Variants in USP34 observed in about 807,000 individuals in gnomAD.
USP34 encodes the protein ubiquitin carboxyl-terminal hydrolase 34.
Under a neutral mutation model 460.3 loss-of-function variants are expected in USP34, and 70 were observed. The ratio of observed to expected loss-of-function variants is 0.15; its 90% CI spans 0.13 to 0.19. The LOEUF (loss-of-function observed/expected upper bound fraction) is 0.19. Ranked by LOEUF, USP34 falls within the 10% of genes least tolerant of loss-of-function variation. The pLI, the probability that USP34 is intolerant of heterozygous loss-of-function variation, is 1.00. For missense variants in USP34, 3,985 were observed against 4,236.2 expected, an observed-to-expected ratio of 0.94 and a Z score of 1.65; for synonymous variants, 1,647 against 1,405.3, an observed-to-expected ratio of 1.17 and a Z score of -3.85.
At chr2:61,235,775 T>C in intron 57 of USP34, 70 bp downstream of exon 57, 7 of 1,487,000 alleles carry the variant, frequency 4.7e-6, no homozygotes, top group Non-Finnish European at 4.6e-6. Flanking sequence ...TGCTGTAGCA[T>C]CTTAGATCAG....
intron 76 of USP34, among the ~76,000 whole-genome samples, chr2:61,192,199 T>TG (rs1450454024): frequency 6.6e-6 from 1 of 152,182 alleles, no homozygotes; most frequent in Non-Finnish European, 1.5e-5. Flanking sequence ...TCTCTTCCAA[T>TG]GGGGTAGAGC....
intron 12 of USP34, among the ~76,000 whole-genome samples, chr2:61,349,551 T>C (rs1691880669): frequency 6.6e-6 from 1 of 151,988 alleles, no homozygotes; most frequent in Admixed American, 6.6e-5. Context: ...TTAAAAAAAA[T>C]ACCCACTGGC....
At chr2:61,190,716 G>GGAAAAAACTTACACA (rs1431385762) in intron 76 of USP34, 58 bp from the exon 77 acceptor site, 4 of 1,545,542 alleles carry the variant, frequency 2.6e-6, no homozygotes, top group East Asian at 2.4e-5. Context: ...AAACTTACAC[G>GGAAAAAACTTACACA]GAAAAAACTT....
chr2:61,340,339 T>TA (rs1242317516), intron 16 of USP34, among the ~76,000 whole-genome samples: 1 of 152,222 alleles, frequency 6.6e-6, no homozygotes, highest in Admixed American at 6.5e-5. Flanking sequence ...TTTCTAGTTT[T>TA]ACGCTATTAT....
At chr2:61,213,601 T>G (rs773550740) in intron 68 of USP34, among the ~76,000 whole-genome samples, 2 of 152,230 alleles carry the variant, frequency 1.3e-5, no homozygotes, top group Admixed American at 6.5e-5. Flanking sequence ...TCTTAAGCAT[T>G]TCATTTGTTT....
chr2:61,234,100 T>C (rs1213934764), intron 57 of USP34, among the ~76,000 whole-genome samples: 1 of 152,222 alleles, frequency 6.6e-6, no homozygotes, highest in Non-Finnish European at 1.5e-5. Flanking sequence ...GACAGCTTAT[T>C]ATCCCTTTCT....
intron 1 of USP34, among the ~76,000 whole-genome samples, chr2:61,465,179 A>T (rs1422509796): frequency 6.9e-6 from 1 of 145,526 alleles, no homozygotes; most frequent in Non-Finnish European, 1.5e-5. Context: ...ATGTGTCAAG[A>T]TTATATTTAA....
chr2:61,253,453 A>G (rs1688640302), intron 48 of USP34, among the ~76,000 whole-genome samples: 1 of 152,172 alleles, frequency 6.6e-6, no homozygotes, highest in Non-Finnish European at 1.5e-5. Context: ...TCATCAGATG[A>G]GTTTGTCTTC....
chr2:61,404,436 C>T (rs1487773867), intron 3 of USP34, among the ~76,000 whole-genome samples: 3 of 152,124 alleles, frequency 2.0e-5, no homozygotes, highest in Non-Finnish European at 2.9e-5. Flanking sequence ...CCTTGTGAAC[C>T]GCTTCAAGTA....
intron 41 of USP34, among the ~76,000 whole-genome samples, chr2:61,270,019 A>C (rs1448394442): frequency 6.6e-6 from 1 of 152,186 alleles, no homozygotes; most frequent in African/African-American, 2.4e-5. Flanking sequence ...TATTACTCCA[A>C]GTGTATTTTT....
At chr2:61,289,798 A>G (rs1467063752) in intron 33 of USP34, among the ~76,000 whole-genome samples, 1 of 152,212 alleles carries the variant, frequency 6.6e-6, no homozygotes, top group Admixed American at 6.5e-5. Context: ...GTATTGTTAC[A>G]GATCTAAACG....
intron 48 of USP34, 52 bp downstream of exon 48, chr2:61,256,330 TTG>T: frequency 2.7e-6 from 4 of 1,472,232 alleles, no homozygotes; most frequent in Non-Finnish European, 3.8e-6. Flanking sequence ...TACCCTTAGT[TTG>T]TCTTTCACTT....
intron 53 of USP34, among the ~76,000 whole-genome samples, chr2:61,240,407 T>G (rs939329032): frequency 6.6e-6 from 1 of 151,838 alleles, no homozygotes; most frequent in Non-Finnish European, 1.5e-5. Flanking sequence ...GCCTCCCGAG[T>G]AGCTGGGACT....
intron 41 of USP34, among the ~76,000 whole-genome samples, chr2:61,269,484 C>G (rs749455364): frequency 4.6e-5 from 7 of 151,960 alleles, no homozygotes; most frequent in Non-Finnish European, 1.0e-4. Flanking sequence ...ATAAAAGTTG[C>G]TACAGCATTT....
chr2:61,334,786 A>G (rs1426349598), intron 18 of USP34, among the ~76,000 whole-genome samples: 1 of 152,232 alleles, frequency 6.6e-6, no homozygotes, highest in Non-Finnish European at 1.5e-5. Flanking sequence ...ACAAACCAAA[A>G]GTAGGAATGT....
In USP34 at chr2:61,296,839, A is replaced by G; in HGVS notation, c.4215T>C (p.Pro1405=). Reference sequence around the variant, plus strand: ...TATTCTGGAATGCCATCAACATATTAGGACATGTAGGAAGAAGCATCAGTA... The same window carrying G: ...TATTCTGGAATGCCATCAACATATTGGGACATGTAGGAAGAAGCATCAGTA... ...WELLMLLPTC[P]NMLMAFQNIS... Residue 1405 remains proline (P), a synonymous_variant, in exon 30 of 80, where the codon CCT becomes CCC. Coordinates refer to ENST00000398571, the MANE Select transcript of USP34 (RefSeq NM_014709.4). 1.9e-6 allele frequency: 3 copies of G among 1,613,766 alleles called. No homozygotes were observed. Among genetic ancestry groups the G allele is most frequent in the Non-Finnish European group, 2.5e-6 (3 of 1,179,846 alleles).
chr2:61,454,143 T>C (rs567743863), intron 1 of USP34, among the ~76,000 whole-genome samples: 3 of 152,166 alleles, frequency 2.0e-5, no homozygotes, highest in Non-Finnish European at 4.4e-5. Flanking sequence ...AAGAGAGGGT[T>C]TGGGGTTTTT....
At chr2:61,356,583 G>A (rs933874399) in intron 10 of USP34, among the ~76,000 whole-genome samples, 1 of 152,146 alleles carries the variant, frequency 6.6e-6, no homozygotes, top group African/African-American at 2.4e-5. Flanking sequence ...ATGTTGAAGA[G>A]ATTAGGCTAA....
chr2:61,268,611 G>A (rs566672229), intron 41 of USP34, among the ~76,000 whole-genome samples: 38 of 151,726 alleles, frequency 2.5e-4, no homozygotes, highest in African/African-American at 7.0e-4. Context: ...TTATAACACC[G>A]CAAAATGAAC....
Sources: allele counts gnomAD v4.1 joint callset (sites outside exome capture counted in the v4.1 genomes callset), GRCh38; gene constraint gnomAD v4.1.1; transcripts MANE v1.5; gene names NCBI Gene and HGNC (gene_info 2026-07-23, HGNC 2026-07-21).